Variants in MYOG observed in about 807,000 individuals in gnomAD.
MYOG encodes myogenin.
Under a neutral mutation model 17.7 loss-of-function variants are expected in MYOG, and 6 were observed. The observed-to-expected ratio is 0.34, with a 90% CI of 0.19 to 0.67. The LOEUF (loss-of-function observed/expected upper bound fraction) is 0.67, where lower values mean the gene tolerates loss of function less well. Ranked by LOEUF, MYOG falls within the 30% of genes least tolerant of loss-of-function variation. The pLI is 0.69. For missense variants in MYOG, 272 were observed against 302.0 expected, an observed-to-expected ratio of 0.90 and a Z score of 0.74; for synonymous variants, 125 against 130.2, an observed-to-expected ratio of 0.96 and a Z score of 0.27.
chr1:203,084,269 G>A (rs1428036754), intron 2 of MYOG, among the ~76,000 whole-genome samples: 5 of 147,570 alleles, frequency 3.4e-5, no homozygotes, highest in Non-Finnish European at 7.5e-5. Flanking sequence ...AGTAGGTAGG[G>A]TTTGGAAGCA....
In MYOG at chr1:203,085,475, T is replaced by C; in HGVS notation, c.471+16A>G. 1 of 1,601,458 alleles carries C rather than the reference T, an allele frequency of 6.2e-7. No individual in the cohort carries two copies. The highest frequency in any genetic ancestry group is 8.5e-7 in the Non-Finnish European group (1 of 1,172,566). Reference sequence around the variant, plus strand: ...GCCCCGTCCCCTTGGGGCAGGGGGATGGGATGGCCACTTACCCCTGGCTGG... The same window carrying C: ...GCCCCGTCCCCTTGGGGCAGGGGGACGGGATGGCCACTTACCCCTGGCTGG... On this transcript the variant is annotated intron_variant, in intron 1 of 2. Coordinates refer to ENST00000241651, the MANE Select transcript of MYOG (RefSeq NM_002479.6).
Position 203,083,790 on chromosome 1 carries a change from A to G in MYOG, c.*120T>C, listed in dbSNP as rs1653552301. 6.9e-7 allele frequency: 1 copy of G among 1,447,470 alleles called. No individual in the cohort carries two copies. Among genetic ancestry groups the G allele is most frequent in the South Asian group, 1.3e-5 (1 of 74,998 alleles). The allele number at this position is 1,447,470 out of a possible 1,614,324, so 89.7% of individuals were successfully genotyped here. Reference sequence around the variant, plus strand: ...GGAAGGGGATAGTCTGGCCTATGGCACCCCAGAGCTGGCTTCCTAGCATCA... The same window carrying G: ...GGAAGGGGATAGTCTGGCCTATGGCGCCCCAGAGCTGGCTTCCTAGCATCA... On this transcript the variant is annotated 3_prime_UTR_variant, in exon 3 of 3. Transcript: ENST00000241651.
chr1:203,084,838 A>G, intron 1 of MYOG, 110 bp from the exon 2 acceptor site: 1 of 1,146,078 alleles, frequency 8.7e-7, no homozygotes, highest in Non-Finnish European at 1.3e-6. Context: ...AGGGTGGGCC[A>G]CAGGCTGTGG....
At position 203,086,006 on chromosome 1, in the gene MYOG, G is replaced by A; in HGVS notation, c.-45C>T. Reference sequence around the variant, plus strand: ...TCCTGCCACCAGCCCCCAAGCTCCAGCAGCCCCTCACGCCAACTGCTGGGT... The same window carrying A: ...TCCTGCCACCAGCCCCCAAGCTCCAACAGCCCCTCACGCCAACTGCTGGGT... On this transcript the variant is annotated 5_prime_UTR_variant, in exon 1 of 3. Transcript: ENST00000241651. 7.1e-7 allele frequency: 1 copy of A among 1,415,540 alleles called. No individual in the cohort carries two copies. Among genetic ancestry groups the A allele is most frequent in the Non-Finnish European group, 9.6e-7 (1 of 1,042,254 alleles). 87.7% of individuals were successfully genotyped at this position (1,415,540 alleles called of 1,614,324 possible). A position where few individuals can be genotyped will look rare whatever the true frequency, so the allele number is the denominator to read the frequency against.
In MYOG at chr1:203,084,664, A is replaced by G; in HGVS notation, c.536T>C (p.Phe179Ser). ...CSPEWGSALE[F>S]SANPGDHLLT... Reference sequence around the variant, plus strand: ...TTACTTACCCCCTGGGTTGGCGCTGAACTCCAGTGCACTGCCCCACTCTGG... The same window carrying G: ...TTACTTACCCCCTGGGTTGGCGCTGGACTCCAGTGCACTGCCCCACTCTGG... Residue 179 changes from phenylalanine (F) to serine (S), a missense_variant, in exon 2 of 3, where the codon TTC becomes TCC. Physicochemically the swap from Phe to Ser is radical, Grantham distance 155 (BLOSUM62 -2). Transcript: ENST00000241651. 1 of 1,611,006 alleles carries G rather than the reference A, an allele frequency of 6.2e-7. No individual in the cohort carries two copies. Among genetic ancestry groups the G allele is most frequent in the Non-Finnish European group, 8.5e-7 (1 of 1,178,602 alleles).
chr1:203,083,787 G>T lies in MYOG; in HGVS notation c.*123C>A. ...TGAGGAAGGGGATAGTCTGGCCTAT[G>T]GCACCCCAGAGCTGGCTTCCTAGCA... On this transcript the variant is annotated 3_prime_UTR_variant, in exon 3 of 3. Transcript: ENST00000241651. 1 of 1,425,120 alleles carries T rather than the reference G, an allele frequency of 7.0e-7. No homozygotes were observed. Among genetic ancestry groups the T allele is most frequent in the Non-Finnish European group, 9.5e-7 (1 of 1,049,390 alleles). 88.3% of individuals were successfully genotyped at this position (1,425,120 alleles called of 1,614,324 possible). A position where few individuals can be genotyped will look rare whatever the true frequency, so the allele number is the denominator to read the frequency against.
chr1:203,085,532 G>A lies in MYOG; in HGVS notation c.430C>T (p.Arg144Cys), dbSNP rs956462749. 6.2e-6 allele frequency: 10 copies of A among 1,613,882 alleles called. No individual in the cohort carries two copies. The highest frequency in any genetic ancestry group is 2.2e-5 in the East Asian group (1 of 44,880). ...ALLSSLNQEERDLRYRGGGGP... is the reference protein window; with the variant it reads ...ALLSSLNQEECDLRYRGGGGP... ...CCCCCGCCCCGGTAGCGGAGGTCAC[G>A]CTCCTCCTGGTTGAGGGAGCTGAGC... The change falls in exon 1 of 3, where the codon CGT becomes TGT. Residue 144 changes from arginine (R) to cysteine (C), a missense_variant. Physicochemically the swap from Arg to Cys is radical, Grantham distance 180 (BLOSUM62 -3). Transcript: ENST00000241651.
intron 1 of MYOG, 96 bp downstream of exon 1, chr1:203,085,395 A>G: frequency 8.3e-7 from 1 of 1,209,618 alleles, no homozygotes; most frequent in Non-Finnish European, 1.1e-6. Context: ...TGGCACCTGC[A>G]CCAACCCTCT....
intron 1 of MYOG, 52 bp from the exon 2 acceptor site, chr1:203,084,780 C>T (rs1558114567): frequency 6.6e-7 from 1 of 1,522,414 alleles, no homozygotes; most frequent in African/African-American, 1.4e-5. Context: ...TCTTTGATGT[C>T]TCTCTCTGCC....
Position 203,085,544 on chromosome 1 carries a change from TGAG to T in MYOG, c.415_417del (p.Leu139del). The T allele has an allele frequency of 2.5e-6, 4 of 1,614,090 alleles. No homozygotes were observed. The Middle Eastern group carries it at 6.6e-4, about 266-fold the overall frequency. On this transcript the variant is annotated inframe_deletion, in exon 1 of 3. Coordinates refer to ENST00000241651, the MANE Select transcript of MYOG (RefSeq NM_002479.6). ...TAGCGGAGGTCACGCTCCTCCTGGT[TGAG>T]GGAGCTGAGCAGGGCCTGGAGGCGC... is the stretch of plus-strand genomic sequence containing the variant.
intron 2 of MYOG, among the ~76,000 whole-genome samples, chr1:203,084,396 C>CCT (rs1273656012): frequency 6.6e-6 from 1 of 152,098 alleles, no homozygotes; most frequent in African/African-American, 2.4e-5. Flanking sequence ...GGGACATTGT[C>CCT]CTCTCTGTGG....
At position 203,083,869 on chromosome 1, in the gene MYOG, G is replaced by C. The variant is rs772744671; in HGVS notation, c.*41C>G. 44 of 1,572,586 alleles carry C rather than the reference G, an allele frequency of 2.8e-5. No individual in the cohort carries two copies. The highest frequency in any genetic ancestry group is 3.7e-5 in the Non-Finnish European group (43 of 1,157,780). Reference sequence around the variant, plus strand: ...ACAGAAGTAGTGGCATCTGTGGCCAGCTTGGGGGGCTCGCAAGGATGCCCG... The same window carrying C: ...ACAGAAGTAGTGGCATCTGTGGCCACCTTGGGGGGCTCGCAAGGATGCCCG... On this transcript the variant is annotated 3_prime_UTR_variant, in exon 3 of 3. Coordinates refer to ENST00000241651, the MANE Select transcript of MYOG (RefSeq NM_002479.6).
rs1558113913 is a variant in MYOG, at chr1:203,083,373, A to G, written c.*537T>C. 1 of 269,840 alleles carries G rather than the reference A, an allele frequency of 3.7e-6. No homozygotes were observed. The highest frequency in any genetic ancestry group is 6.9e-6 in the Non-Finnish European group (1 of 145,136). 16.7% of individuals were successfully genotyped at this position (269,840 alleles called of 1,614,324 possible). A position where few individuals can be genotyped will look rare whatever the true frequency, so the allele number is the denominator to read the frequency against. ...ACGAAACAAAACAAAACATAAAACC[A>G]CTGGAAGGTTCCCAATATTCACTGC... On this transcript the variant is annotated 3_prime_UTR_variant, in exon 3 of 3. Transcript: ENST00000241651.
At position 203,083,194 on chromosome 1, in the gene MYOG, A is replaced by C; in HGVS notation, c.*716T>G. The C allele has an allele frequency of 6.6e-6, 1 of 151,354 alleles. No homozygotes were observed. Among genetic ancestry groups the C allele is most frequent in the East Asian group, 1.9e-4 (1 of 5,190 alleles). The allele number at this position is 151,354 out of a possible 1,614,324, so 9.4% of individuals were successfully genotyped here. On this transcript the variant is annotated 3_prime_UTR_variant, in exon 3 of 3. Coordinates refer to ENST00000241651, the MANE Select transcript of MYOG (RefSeq NM_002479.6). Reference sequence around the variant, plus strand: ...TCCAAATAAGTTAGCAAAAAAAAAAAAAAAAAAAAAAAATACAAAACAATG... The same window carrying C: ...TCCAAATAAGTTAGCAAAAAAAAAACAAAAAAAAAAAAATACAAAACAATG...
chr1:203,084,917 T>G (rs1299846714), intron 1 of MYOG, among the ~76,000 whole-genome samples, 189 bp from the exon 2 acceptor site: 4 of 152,188 alleles, frequency 2.6e-5, no homozygotes, highest in Admixed American at 6.5e-5. Flanking sequence ...CCAGAGGCCC[T>G]GCTTCCAGGC....
chr1:203,084,152 C>T (rs1050609816), intron 2 of MYOG, 121 bp from the exon 3 acceptor site: 75 of 1,267,914 alleles, frequency 5.9e-5, no homozygotes, highest in African/African-American at 9.0e-5. Context: ...GACAAAGCTC[C>T]GGAGTTCTAC....
At chr1:203,084,514 C>A in intron 2 of MYOG, 133 bp downstream of exon 2, 2 of 786,444 alleles carry the variant, frequency 2.5e-6, no homozygotes, top group South Asian at 1.7e-5. Context: ...ACCCTTTGGG[C>A]CTTGGAGTCA....
chr1:203,084,583 G>A, intron 2 of MYOG, 64 bp downstream of exon 2: 2 of 1,396,976 alleles, frequency 1.4e-6, no homozygotes, highest in Non-Finnish European at 2.0e-6. Context: ...GGTAAGAGGG[G>A]AGAACCTGGC....
At chr1:203,085,375 C>T (rs982000462) in intron 1 of MYOG, 116 bp downstream of exon 1, 7 of 970,396 alleles carry the variant, frequency 7.2e-6, no homozygotes, top group African/African-American at 3.3e-5. Context: ...TGCAGCCCCT[C>T]GACCCTGTCT....
Sources: gnomAD v4.1 joint callset for allele counts (sites outside exome capture counted in the v4.1 genomes callset) on GRCh38, gnomAD v4.1.1 for gene constraint, MANE v1.5 for transcripts, NCBI Gene and HGNC (gene_info 2026-07-23, HGNC 2026-07-21) for gene names.